The following MAML2 variants were observed in gnomAD, a reference collection of about 807,000 sequenced individuals.
The protein encoded by MAML2 is mastermind-like protein 2.
MAML2 carries 22 observed loss-of-function variants against 96.1 expected under a neutral mutation model. The observed-to-expected ratio is 0.23, with a 90% CI of 0.16 to 0.33. MAML2 has a LOEUF of 0.33. Among genes scored for constraint, MAML2 ranks in the 10% least tolerant of loss-of-function variants. The pLI is 1.00. For missense variants in MAML2, 1,367 were observed against 1,392.4 expected, an observed-to-expected ratio of 0.98 and a Z score of 0.29; for synonymous variants, 561 against 521.3, an observed-to-expected ratio of 1.08 and a Z score of -1.04.
chr11:96,236,357 C>T (rs77963165), intron 1 of MAML2, among the ~76,000 whole-genome samples: 1,707 of 152,296 alleles, frequency 0.011, 13 homozygotes, highest in Non-Finnish European at 0.019. Flanking sequence ...AAATCACCTA[C>T]GGAGCTTTAA....
At chr11:96,112,202 A>G (rs777508364) in intron 1 of MAML2, among the ~76,000 whole-genome samples, 2 of 152,246 alleles carry the variant, frequency 1.3e-5, no homozygotes, top group Non-Finnish European at 2.9e-5. Flanking sequence ...TTTCTCTACC[A>G]CAAGGCCAAC....
chr11:96,109,465 A>G (rs1030936733), intron 1 of MAML2, among the ~76,000 whole-genome samples: 1 of 152,246 alleles, frequency 6.6e-6, no homozygotes, highest in Admixed American at 6.5e-5. Flanking sequence ...ATGAGGTGTC[A>G]GCACTCAGTA....
At chr11:96,131,633 G>A (rs1860550588) in intron 1 of MAML2, among the ~76,000 whole-genome samples, 1 of 152,196 alleles carries the variant, frequency 6.6e-6, no homozygotes, top group African/African-American at 2.4e-5. Context: ...ACAGGAATAT[G>A]AGGAGTGACT....
At chr11:96,243,816 G>T (rs1862474070) in intron 1 of MAML2, among the ~76,000 whole-genome samples, 1 of 152,078 alleles carries the variant, frequency 6.6e-6, no homozygotes. Context: ...ACCACGCCTG[G>T]CTAATTTTTT....
chr11:96,044,678 G>A (rs1565198138), intron 2 of MAML2, among the ~76,000 whole-genome samples: 1 of 152,208 alleles, frequency 6.6e-6, no homozygotes, highest in Non-Finnish European at 1.5e-5. Flanking sequence ...TAGCTGGGAT[G>A]ATATACAAGC....
rs138797769 is a variant in MAML2, at chr11:96,250,421, G to A, written c.513+90962C>T. 4.5e-4 allele frequency among the ~76,000 whole-genome samples: 68 copies of A among 152,204 alleles called. No homozygotes were observed. The Middle Eastern group carries it at 0.01, about 23-fold the overall frequency. ...TTTGTGTTGGGAACATACACTATCC[G>A]CCTTCTAGCTAGTTGAAACAATATA... On this transcript the variant is annotated intron_variant, in intron 1 of 4. Transcript: ENST00000524717.
intron 1 of MAML2, among the ~76,000 whole-genome samples, chr11:96,182,661 A>G (rs1051027433): frequency 6.6e-6 from 1 of 152,182 alleles, no homozygotes; most frequent in African/African-American, 2.4e-5. Flanking sequence ...TTACTGTTTT[A>G]TAGATGAGAA....
At chr11:96,264,881 A>T (rs944262000) in intron 1 of MAML2, among the ~76,000 whole-genome samples, 37 of 152,208 alleles carry the variant, frequency 2.4e-4, no homozygotes, top group Non-Finnish European at 5.9e-5. Context: ...GCAAGAACAC[A>T]TTTAATACCC....
chr11:96,148,611 A>T (rs1331511034), intron 1 of MAML2, among the ~76,000 whole-genome samples: 1 of 149,062 alleles, frequency 6.7e-6, no homozygotes, highest in Admixed American at 6.8e-5. Context: ...ATCAATATGA[A>T]GTGGGGAAAT....
At chr11:96,008,626 A>T (rs557679480) in intron 2 of MAML2, among the ~76,000 whole-genome samples, 2 of 152,350 alleles carry the variant, frequency 1.3e-5, no homozygotes, top group East Asian at 3.9e-4. Flanking sequence ...AAGAAAAACA[A>T]AAACAAGTTT....
At chr11:96,201,581 T>C (rs916269887) in intron 1 of MAML2, among the ~76,000 whole-genome samples, 3 of 152,220 alleles carry the variant, frequency 2.0e-5, no homozygotes, top group Non-Finnish European at 2.9e-5. Flanking sequence ...TATAAAAGCT[T>C]AGACCAAGTG....
intron 1 of MAML2, among the ~76,000 whole-genome samples, chr11:96,114,973 G>A (rs1394689885): frequency 6.6e-6 from 1 of 152,162 alleles, no homozygotes; most frequent in Non-Finnish European, 1.5e-5. Context: ...CGGTATGGAG[G>A]TTGGTTAGAA....
chr11:96,310,355 T>C (rs555214437), intron 1 of MAML2, among the ~76,000 whole-genome samples: 36 of 152,340 alleles, frequency 2.4e-4, no homozygotes, highest in African/African-American at 8.7e-4. Flanking sequence ...TCAGGGTTTA[T>C]ACCATTTCAT....
At chr11:95,986,024 C>G (rs7127362) in intron 3 of MAML2, among the ~76,000 whole-genome samples, 1 of 151,950 alleles carries the variant, frequency 6.6e-6, no homozygotes, top group Non-Finnish European at 1.5e-5. Flanking sequence ...CACCAAACAC[C>G]CCCCTCTCTT....
chr11:96,088,642 T>G (rs1859655558), intron 2 of MAML2, among the ~76,000 whole-genome samples: 1 of 152,216 alleles, frequency 6.6e-6, no homozygotes, highest in Admixed American at 6.5e-5. Context: ...ATAGACATTT[T>G]GTAAAACACC....
chr11:96,040,312 G>A (rs941991014), intron 2 of MAML2, among the ~76,000 whole-genome samples: 8 of 152,146 alleles, frequency 5.3e-5, no homozygotes, highest in Admixed American at 2.0e-4. Flanking sequence ...GAGATGAAAA[G>A]TGTTGGGGTA....
At chr11:96,012,244 G>A (rs1380409543) in intron 2 of MAML2, among the ~76,000 whole-genome samples, 3 of 152,128 alleles carry the variant, frequency 2.0e-5, no homozygotes, top group Admixed American at 6.5e-5. Flanking sequence ...AGAGAACAGC[G>A]GCTTACATCA....
rs1398813275 is a variant in MAML2, at chr11:96,324,917, AC to A, written c.513+16465del. Among the ~76,000 whole-genome samples, 9 of 152,176 alleles carry A rather than the reference AC, an allele frequency of 5.9e-5. No individual in the cohort carries two copies. The East Asian group carries it at 1.7e-3, about 29-fold the overall frequency. ...CTCCTCAGACTTGCTGGCTGACTGG[AC>A]CCACAAGAAATACAGGTACCAAATT... On this transcript the variant is annotated intron_variant, in intron 1 of 4. Transcript: ENST00000524717.
chr11:96,072,711 G>A (rs1859365760), intron 2 of MAML2, among the ~76,000 whole-genome samples: 1 of 152,190 alleles, frequency 6.6e-6, no homozygotes. Context: ...AGGACGGATT[G>A]ATTACAAAGT....
Sources: gnomAD v4.1 joint callset for allele counts (sites outside exome capture counted in the v4.1 genomes callset) on GRCh38, gnomAD v4.1.1 for gene constraint, MANE v1.5 for transcripts, NCBI Gene and HGNC (gene_info 2026-07-23, HGNC 2026-07-21) for gene names.